Variants in METTL15 observed in about 807,000 individuals in gnomAD.
The protein encoded by METTL15 is 12S rRNA N(4)-cytidine methyltransferase METTL15.
Under a neutral mutation model 38.3 loss-of-function variants are expected in METTL15, and 34 were observed. That is an observed-to-expected ratio of 0.89 (90% confidence interval 0.68 to 1.18). METTL15 has a LOEUF of 1.18. Among genes scored for constraint, METTL15 ranks in the 50% most tolerant of loss-of-function variants. The probability of loss-of-function intolerance (pLI) is 0.00; values close to 1 mark genes in which losing one functional copy is unlikely to be tolerated. For missense variants in METTL15, 438 were observed against 498.4 expected, an observed-to-expected ratio of 0.88 and a Z score of 1.15; for synonymous variants, 162 against 170.9, an observed-to-expected ratio of 0.95 and a Z score of 0.41.
intron 3 of METTL15, among the ~76,000 whole-genome samples, chr11:28,133,275 G>A (rs536897316): frequency 5.3e-5 from 8 of 152,110 alleles, no homozygotes; most frequent in Admixed American, 1.3e-4. Context: ...TAAAGGGAGC[G>A]TTTTTTACTA....
chr11:28,512,486 C>G (rs1164259097), intron 6 of METTL15, among the ~76,000 whole-genome samples: 1 of 152,206 alleles, frequency 6.6e-6, no homozygotes, highest in Admixed American at 6.5e-5. Flanking sequence ...AGTGGGGAGG[C>G]AGCTAAGGCC....
At chr11:28,369,186 C>A (rs1224172882) in intron 5 of METTL15, among the ~76,000 whole-genome samples, 1 of 151,266 alleles carries the variant, frequency 6.6e-6, no homozygotes, top group Non-Finnish European at 1.5e-5. Context: ...TGAAGTCCGA[C>A]AAAAACTTAA....
chr11:28,445,965 A>G (rs1457680369), intron 6 of METTL15, among the ~76,000 whole-genome samples: 1 of 151,956 alleles, frequency 6.6e-6, no homozygotes, highest in African/African-American at 2.4e-5. Context: ...CTGTTATTTT[A>G]TATTGTGTCC....
intron 4 of METTL15, among the ~76,000 whole-genome samples, chr11:28,248,493 T>G (rs1055523995): frequency 5.3e-5 from 8 of 152,074 alleles, no homozygotes; most frequent in African/African-American, 1.7e-4. Flanking sequence ...CTGCCCTCTG[T>G]TTCTCCATTT....
intron 3 of METTL15, among the ~76,000 whole-genome samples, chr11:28,161,186 A>G (rs1373460206): frequency 6.8e-6 from 1 of 147,916 alleles, no homozygotes; most frequent in Non-Finnish European, 1.5e-5. Flanking sequence ...GCAGGGTTAC[A>G]ATCTCAGCTC....
intron 6 of METTL15, among the ~76,000 whole-genome samples, chr11:28,324,102 G>A (rs184165322): frequency 1.9e-3 from 289 of 152,200 alleles, no homozygotes; most frequent in African/African-American, 6.7e-3. Flanking sequence ...TCCTTTTGTA[G>A]TCAGTTTTAC....
At chr11:28,208,873 A>G (rs1280271614) in intron 3 of METTL15, among the ~76,000 whole-genome samples, 2 of 152,048 alleles carry the variant, frequency 1.3e-5, no homozygotes, top group East Asian at 1.9e-4. Flanking sequence ...TCACTATTAC[A>G]TGTGATGAAC....
chr11:28,463,973 A>T (rs1851236505), intron 6 of METTL15, among the ~76,000 whole-genome samples: 1 of 152,098 alleles, frequency 6.6e-6, no homozygotes, highest in Admixed American at 6.6e-5. Context: ...GCTAGAGATG[A>T]GTGGGCATAG....
chr11:28,267,393 A>G (rs1855468205), intron 4 of METTL15, among the ~76,000 whole-genome samples: 1 of 152,132 alleles, frequency 6.6e-6, no homozygotes, highest in African/African-American at 2.4e-5. Flanking sequence ...GTATTTGCTG[A>G]GACATTACCT....
At chr11:28,122,367 G>GTGTGTGTA in intron 3 of METTL15, among the ~76,000 whole-genome samples, 1 of 59,626 alleles carries the variant, frequency 1.7e-5, no homozygotes, top group Non-Finnish European at 3.1e-5. Flanking sequence ...GTGTGTGTGT[G>GTGTGTGTA]TGTGTATATA....
chr11:28,289,969 A>T (rs147873352), intron 4 of METTL15, among the ~76,000 whole-genome samples: 2 of 152,314 alleles, frequency 1.3e-5, no homozygotes, highest in East Asian at 3.9e-4. Flanking sequence ...CTTCACAAAG[A>T]TATACAATAA....
chr11:28,437,307 G>C, intron 6 of METTL15, among the ~76,000 whole-genome samples: 1 of 152,140 alleles, frequency 6.6e-6, no homozygotes, highest in East Asian at 1.9e-4. Context: ...TATCCTATTA[G>C]TTCTTTCCCT....
intron 6 of METTL15, among the ~76,000 whole-genome samples, chr11:28,430,372 T>G (rs1183749472): frequency 4.4e-5 from 2 of 44,966 alleles, no homozygotes; most frequent in African/African-American, 7.9e-5. Context: ...CGGGAGGAGG[T>G]GGGGGGGTCA....
intron 6 of METTL15, among the ~76,000 whole-genome samples, chr11:28,428,142 G>A (rs1472028385): frequency 6.6e-6 from 1 of 152,134 alleles, no homozygotes; most frequent in East Asian, 1.9e-4. Flanking sequence ...TACAAACGTT[G>A]TAGAGTGTAC....
chr11:28,392,721 T>G (rs10835321), intron 5 of METTL15, among the ~76,000 whole-genome samples: 2 of 151,854 alleles, frequency 1.3e-5, no homozygotes, highest in African/African-American at 2.4e-5. Context: ...AGGCAAACTA[T>G]GTAATGGAAG....
At chr11:28,263,847 G>C (rs1301357402) in intron 4 of METTL15, among the ~76,000 whole-genome samples, 1 of 151,756 alleles carries the variant, frequency 6.6e-6, no homozygotes, top group East Asian at 1.9e-4. Flanking sequence ...CATATTAAAA[G>C]TATGGTTGTA....
At chr11:28,167,089 T>C (rs1187270699) in intron 3 of METTL15, among the ~76,000 whole-genome samples, 2 of 152,226 alleles carry the variant, frequency 1.3e-5, no homozygotes, top group African/African-American at 4.8e-5. Flanking sequence ...GGAAGTTTGG[T>C]ATTGATAGAC....
At chr11:28,462,331 T>C (rs1851223037) in intron 6 of METTL15, among the ~76,000 whole-genome samples, 1 of 152,022 alleles carries the variant, frequency 6.6e-6, no homozygotes, top group Non-Finnish European at 1.5e-5. Context: ...CTTATGGTCC[T>C]GGAATCTAGG....
At chr11:28,205,979 T>TG (rs1852323894) in intron 3 of METTL15, among the ~76,000 whole-genome samples, 1 of 144,278 alleles carries the variant, frequency 6.9e-6, no homozygotes, top group African/African-American at 2.7e-5. Context: ...GTAAATTTGT[T>TG]TGAGTTCATT....
Sources: gnomAD v4.1 joint callset for allele counts (sites outside exome capture counted in the v4.1 genomes callset) on GRCh38, gnomAD v4.1.1 for gene constraint, MANE v1.5 for transcripts, NCBI Gene and HGNC (gene_info 2026-07-23, HGNC 2026-07-21) for gene names.